Variants in MRTFB observed in about 807,000 individuals in gnomAD.
MRTFB encodes the protein myocardin-related transcription factor B.
MRTFB carries 29 observed loss-of-function variants against 104.2 expected under a neutral mutation model. The observed-to-expected ratio is 0.28, with a 90% CI of 0.21 to 0.38. The LOEUF (loss-of-function observed/expected upper bound fraction) is 0.38, where lower values mean the gene tolerates loss of function less well. Among genes scored for constraint, MRTFB ranks in the 10% least tolerant of loss-of-function variants. MRTFB has a pLI of 1.00. For missense variants in MRTFB, 1,270 were observed against 1,341.6 expected (o/e 0.95, Z 0.83); for synonymous variants, 535 against 519.5 (o/e 1.03, Z -0.41).
At chr16:14,107,711 C>T (rs1262341308) in intron 2 of MRTFB, among the ~76,000 whole-genome samples, 10 of 152,172 alleles carry the variant, frequency 6.6e-5, no homozygotes, top group Admixed American at 5.2e-4. Context: ...CCTCCACCTC[C>T]GTGAGCTTTA....
At chr16:14,150,268 C>G (rs79186740) in intron 3 of MRTFB, among the ~76,000 whole-genome samples, 657 of 152,270 alleles carry the variant, frequency 4.3e-3, no homozygotes, top group African/African-American at 0.015. Flanking sequence ...TAATCTAAAT[C>G]AAGTATAGAG....
At chr16:14,102,522 C>T (rs963695722) in intron 2 of MRTFB, among the ~76,000 whole-genome samples, 3 of 152,162 alleles carry the variant, frequency 2.0e-5, no homozygotes, top group Admixed American at 2.0e-4. Context: ...GGGTCATATA[C>T]AGATAAGAAG....
Position 14,248,639 on chromosome 16 carries a change from TGC to T in MRTFB, c.2248-286_2248-285del, listed in dbSNP as rs1300139182. ...GTACCTGAGCTATTATGTGTAGAAC[TGC>T]CTTAGGTTCTTATTATTTCCATTTC... On this transcript the variant is annotated intron_variant, in intron 12 of 16. Coordinates refer to ENST00000571589, the MANE Select transcript of MRTFB (RefSeq NM_001308142.2). The T allele has an allele frequency of 2.7e-5, 8 of 297,074 alleles. No homozygotes were observed. The Admixed American group carries it at 3.9e-4, about 14-fold the overall frequency. The allele number at this position is 297,074 out of a possible 1,614,324, so 18.4% of individuals were successfully genotyped here. A position where few individuals can be genotyped will look rare whatever the true frequency, so the allele number is the denominator to read the frequency against.
At chr16:14,256,185 A>G (rs2043479076) in intron 15 of MRTFB, among the ~76,000 whole-genome samples, 1 of 145,168 alleles carries the variant, frequency 6.9e-6, no homozygotes, top group South Asian at 2.2e-4. Context: ...GGAAAGAAAA[A>G]CAGGATAACA....
At chr16:14,103,999 GA>G (rs1021627047) in intron 2 of MRTFB, among the ~76,000 whole-genome samples, 10 of 152,178 alleles carry the variant, frequency 6.6e-5, no homozygotes, top group Middle Eastern at 3.4e-3. Flanking sequence ...TGGGATTGAG[GA>G]AAAAAATAAT....
At chr16:13,998,677 G>A in the MRTFB span, among the ~76,000 whole-genome samples, 2 of 151,248 alleles carry the variant, frequency 1.3e-5, no homozygotes, top group South Asian at 4.2e-4. Flanking sequence ...GGTGAAGGAG[G>A]AAGAGGAAGA....
intron 3 of MRTFB, chr16:14,151,587 A>G (rs898001804): frequency 2.0e-5 from 3 of 152,150 alleles, no homozygotes; most frequent in Admixed American, 6.5e-5. Flanking sequence ...CCCATTTTCT[A>G]CAAGTATTTC....
In MRTFB at chr16:14,259,373, AT is replaced by A. The variant is rs549066631; in HGVS notation, c.2764+1220del. Among the ~76,000 whole-genome samples the A allele has an allele frequency of 6.6e-5, 10 of 152,172 alleles. No individual in the cohort carries two copies. The East Asian group carries it at 1.7e-3, about 26-fold the overall frequency. On this transcript the variant is annotated intron_variant, in intron 16 of 16. Coordinates refer to ENST00000571589, the MANE Select transcript of MRTFB (RefSeq NM_001308142.2). ...CAATCAAGCTATTTTCTAAAATGAG[AT>A]TTTTTTTAATGACAAAGTATCCAGT...
At position 14,234,167 on chromosome 16, in the gene MRTFB, G is replaced by C. The variant is rs1329043154; in HGVS notation, c.715G>C (p.Val239Leu). 1.2e-6 allele frequency: 2 copies of C among 1,614,068 alleles called. No individual in the cohort carries two copies. The highest frequency in any genetic ancestry group is 2.7e-5 in the African/African-American group (2 of 75,012). The change falls in exon 9 of 17, where the codon GTT becomes CTT. Residue 239 changes from valine to leucine, a missense_variant. Around this residue, in one of 3 missense-constraint regions of MRTFB, gnomAD observed 1,144 missense variants for 1,131.5 expected, o/e 1.01. Coordinates refer to ENST00000571589, the MANE Select transcript of MRTFB (RefSeq NM_001308142.2). ...CCAGTTTGCTTCAGTGTCCCCAACA[G>C]TTCCTGAATTCTTGAAAACTCCTCC... ...PAQFASVSPT[V>L]PEFLKTPPTA...
intron 3 of MRTFB, chr16:14,151,653 A>C (rs1235025409): frequency 6.6e-6 from 1 of 152,210 alleles, no homozygotes. Flanking sequence ...ATGTACCTTC[A>C]TAACATTTGA....
intron 5 of MRTFB, among the ~76,000 whole-genome samples, chr16:14,213,263 T>TA (rs1171877805): frequency 3.3e-5 from 5 of 152,346 alleles, no homozygotes; most frequent in East Asian, 3.8e-4. Context: ...CTATGTTTAT[T>TA]AAAAAACTAT....
intron 2 of MRTFB, among the ~76,000 whole-genome samples, chr16:14,125,083 G>A (rs1189404097): frequency 2.0e-5 from 3 of 152,210 alleles, no homozygotes; most frequent in Non-Finnish European, 2.9e-5. Flanking sequence ...CTTGGCTGCA[G>A]CCTACAGGTT....
chr16:14,218,194 G>A (rs1597279194), intron 7 of MRTFB, among the ~76,000 whole-genome samples: 1 of 152,154 alleles, frequency 6.6e-6, no homozygotes, highest in African/African-American at 2.4e-5. Context: ...CAAGTAGCTG[G>A]GACTACAGGC....
the MRTFB span, among the ~76,000 whole-genome samples, chr16:14,040,908 G>A: frequency 1.3e-5 from 2 of 152,180 alleles, no homozygotes; most frequent in African/African-American, 4.8e-5. Context: ...GAACCCAGGA[G>A]TTCGAGACCA....
At chr16:14,163,607 G>A (rs562410464) in intron 3 of MRTFB, among the ~76,000 whole-genome samples, 27 of 152,148 alleles carry the variant, frequency 1.8e-4, no homozygotes, top group Middle Eastern at 3.4e-3. Flanking sequence ...CGAGGCAGGC[G>A]CATCACCTGA....
At chr16:14,006,441 A>C in the MRTFB span, among the ~76,000 whole-genome samples, 3 of 151,866 alleles carry the variant, frequency 2.0e-5, no homozygotes, top group South Asian at 2.1e-4. Context: ...GCTTGACCAG[A>C]GGCAGAGGTT....
chr16:14,080,365 TAGAC>T (rs2034324323), intron 2 of MRTFB, among the ~76,000 whole-genome samples: 1 of 152,216 alleles, frequency 6.6e-6, no homozygotes, highest in South Asian at 2.1e-4. Context: ...TTATTTTAAA[TAGAC>T]AAATAAAATT....
the MRTFB span, among the ~76,000 whole-genome samples, chr16:14,056,181 G>A: frequency 6.6e-6 from 1 of 152,028 alleles, no homozygotes; most frequent in Non-Finnish European, 1.5e-5. Context: ...GTTTCGTCAT[G>A]TTCGCCAGGC....
intron 2 of MRTFB, among the ~76,000 whole-genome samples, chr16:14,134,787 C>G (rs77595559): frequency 0.012 from 1,891 of 152,212 alleles, 36 homozygotes; most frequent in African/African-American, 0.042. Context: ...ATACATATAC[C>G]ATGTTATCAG....
Sources: gnomAD v4.1 joint callset for allele counts (sites outside exome capture counted in the v4.1 genomes callset) on GRCh38, gnomAD v4.1.1 for gene constraint, gnomAD v4.1.1 regional missense constraint, MANE v1.5 for transcripts, NCBI Gene and HGNC (gene_info 2026-07-23, HGNC 2026-07-21) for gene names.